Variants in PAPPA2 observed in about 807,000 individuals in gnomAD.
The protein encoded by PAPPA2 is pappalysin 2.
PAPPA2 carries 86 observed loss-of-function variants against 176.4 expected under a neutral mutation model. The observed-to-expected ratio is 0.49, with a 90% CI of 0.41 to 0.58. The LOEUF is 0.58. Ranked by LOEUF, PAPPA2 falls within the 20% of genes least tolerant of loss-of-function variation. The pLI, the probability that PAPPA2 is intolerant of heterozygous loss-of-function variation, is 0.00. For synonymous variants in PAPPA2, 809 were observed against 852.2 expected, an observed-to-expected ratio of 0.95 and a Z score of 0.88; for missense variants, 2,073 against 2,256.9, an observed-to-expected ratio of 0.92 and a Z score of 1.65.
At chr1:176,640,326 A>G (rs1417587396) in intron 3 of PAPPA2, among the ~76,000 whole-genome samples, 5 of 142,562 alleles carry the variant, frequency 3.5e-5, no homozygotes, top group South Asian at 4.8e-4. Context: ...ATATCTCCCA[A>G]TGCTATCCCT....
chr1:176,752,342 T>TAAAAAAAAAAAAAAAAAAAAAAAAAAAAA (rs58591760), intron 14 of PAPPA2, among the ~76,000 whole-genome samples: 1 of 96,488 alleles, frequency 1.0e-5, no homozygotes, highest in Non-Finnish European at 2.1e-5. Flanking sequence ...TAGAGTATAA[T>TAAAAAAAAAAAAAAAAAAAAAAAAAAAAA]AAAAAAAAAA....
chr1:176,632,723 T>A (rs1376537387), intron 3 of PAPPA2, among the ~76,000 whole-genome samples: 1 of 152,174 alleles, frequency 6.6e-6, no homozygotes, highest in Non-Finnish European at 1.5e-5. Context: ...TGAAGGCATA[T>A]CTTTTAGTGT....
chr1:176,760,908 A>G (rs1032990951), intron 14 of PAPPA2, among the ~76,000 whole-genome samples: 2 of 151,946 alleles, frequency 1.3e-5, no homozygotes, highest in Admixed American at 1.3e-4. Flanking sequence ...TGCAAGCTCT[A>G]CCTCCTGGGT....
intron 12 of PAPPA2, among the ~76,000 whole-genome samples, chr1:176,717,523 T>C (rs529438396): frequency 6.6e-6 from 1 of 152,362 alleles, no homozygotes; most frequent in South Asian, 2.1e-4. Context: ...TCACTGTCTA[T>C]GGGGTAGCCT....
rs933761708 is a variant in PAPPA2, at chr1:176,649,383, GT to G, written c.1992-21577del. Among the ~76,000 whole-genome samples, 743 of 140,820 alleles carry G rather than the reference GT, an allele frequency of 5.3e-3. 6 individuals are homozygous for G. The highest frequency in any genetic ancestry group is 0.027 in the East Asian group (130 of 4,804). The allele number at this position is 140,820 out of a possible 152,430, so 92.4% of individuals were successfully genotyped here. A position where few individuals can be genotyped will look rare whatever the true frequency, so the allele number is the denominator to read the frequency against. ...ATTTTATCTTTTAAAAAAAACTTTT[GT>G]TTTTTTTTTGTTTTTCTTTTAGGTT... On this transcript the variant is annotated intron_variant, in intron 3 of 22. Coordinates refer to ENST00000367662, the MANE Select transcript of PAPPA2 (RefSeq NM_020318.3).
intron 21 of PAPPA2, among the ~76,000 whole-genome samples, chr1:176,823,861 G>A (rs940487972): frequency 2.6e-5 from 4 of 152,138 alleles, no homozygotes; most frequent in African/African-American, 9.7e-5. Flanking sequence ...AAAGAAGGTA[G>A]GATGTATAGT....
In PAPPA2 at chr1:176,834,323, T is replaced by C. The variant is rs531052257; in HGVS notation, c.5203-5850T>C. ...ACTATTCCTGCATAAGCCATCTTGA[T>C]ATCTATCTATTTGAATTTTACATAT... On this transcript the variant is annotated intron_variant, in intron 21 of 22. Transcript: ENST00000367662. Among the ~76,000 whole-genome samples, 8 of 152,338 alleles carry C rather than the reference T, an allele frequency of 5.3e-5. No homozygotes were observed. In the South Asian group the frequency reaches 1.7e-3, roughly 32 times the overall value.
intron 3 of PAPPA2, among the ~76,000 whole-genome samples, chr1:176,635,057 A>G (rs1316241411): frequency 6.6e-6 from 1 of 152,152 alleles, no homozygotes; most frequent in African/African-American, 2.4e-5. Context: ...CCTCAGGGAA[A>G]TAACTACATG....
chr1:176,490,460 C>T (rs866919276), intron 1 of PAPPA2, among the ~76,000 whole-genome samples: 2 of 152,092 alleles, frequency 1.3e-5, no homozygotes, highest in Middle Eastern at 3.2e-3. Context: ...CAATTGTCCT[C>T]TCTGCTTGCC....
At chr1:176,829,571 A>G (rs979370936) in intron 21 of PAPPA2, among the ~76,000 whole-genome samples, 2 of 152,212 alleles carry the variant, frequency 1.3e-5, no homozygotes, top group Non-Finnish European at 2.9e-5. Flanking sequence ...CAGGAGACAG[A>G]GACGAAGGGA....
chr1:176,809,355 C>G (rs1272197127), intron 21 of PAPPA2, among the ~76,000 whole-genome samples: 1 of 152,174 alleles, frequency 6.6e-6, no homozygotes, highest in African/African-American at 2.4e-5. Context: ...GGCTGGATTA[C>G]TGAAATGGAG....
At chr1:176,614,935 A>C (rs1409783064) in intron 3 of PAPPA2, among the ~76,000 whole-genome samples, 4 of 152,146 alleles carry the variant, frequency 2.6e-5, no homozygotes, top group African/African-American at 9.7e-5. Context: ...GCAGAAACCC[A>C]CTTCTTTTTT....
At chr1:176,840,471 C>T (rs1209374159) in intron 22 of PAPPA2, among the ~76,000 whole-genome samples, 200 bp downstream of exon 22, 1 of 152,130 alleles carries the variant, frequency 6.6e-6, no homozygotes, top group Non-Finnish European at 1.5e-5. Context: ...AGTTCTTTGT[C>T]AGTTCAGTGA....
intron 2 of PAPPA2, among the ~76,000 whole-genome samples, chr1:176,580,741 G>A (rs1436486489): frequency 6.6e-6 from 1 of 152,006 alleles, no homozygotes; most frequent in African/African-American, 2.4e-5. Flanking sequence ...ATAATGTTGA[G>A]CAGTGTTTCA....
chr1:176,660,336 TTGTGTG>T (rs34294866), intron 3 of PAPPA2, among the ~76,000 whole-genome samples: 4 of 121,940 alleles, frequency 3.3e-5, no homozygotes, highest in Admixed American at 1.6e-4. Context: ...AATTGTTTGT[TTGTGTG>T]TGTGTGTGTG....
intron 1 of PAPPA2, among the ~76,000 whole-genome samples, chr1:176,494,298 A>G (rs1647476214): frequency 6.6e-6 from 1 of 152,216 alleles, no homozygotes; most frequent in South Asian, 2.1e-4. Context: ...ATCTGAAGCC[A>G]CAGACCAAAT....
chr1:176,774,932 G>T (rs1039062088), intron 17 of PAPPA2, among the ~76,000 whole-genome samples: 1 of 151,948 alleles, frequency 6.6e-6, no homozygotes, highest in East Asian at 1.9e-4. Context: ...TTATATCTTC[G>T]TGGAAGCCGT....
chr1:176,700,200 AC>A (rs1189834399), intron 8 of PAPPA2, among the ~76,000 whole-genome samples: 1 of 151,970 alleles, frequency 6.6e-6, no homozygotes, highest in African/African-American at 2.4e-5. Context: ...TGTTCCTGGC[AC>A]TGCATGTTCA....
intron 3 of PAPPA2, chr1:176,616,606 C>T (rs1242130114): frequency 1.3e-6 from 2 of 1,566,518 alleles, no homozygotes; most frequent in Non-Finnish European, 1.8e-6. Context: ...ACATGGATAC[C>T]TTCTTTCTCC....
Sources: allele counts gnomAD v4.1 joint callset (sites outside exome capture counted in the v4.1 genomes callset), GRCh38; gene constraint gnomAD v4.1.1; transcripts MANE v1.5; gene names NCBI Gene and HGNC (gene_info 2026-07-23, HGNC 2026-07-21).